Variants in MARCHF1 observed in about 807,000 individuals in gnomAD.
MARCHF1 encodes membrane associated ring-CH-type finger 1, also known as E3 ubiquitin-protein ligase MARCHF1.
A neutral mutation model predicts 54.2 loss-of-function variants in MARCHF1; 40 were observed. That is an observed-to-expected ratio of 0.74 (90% CI 0.57 to 0.96). The LOEUF is 0.96. Ranked by LOEUF, MARCHF1 falls within the 40% of genes least tolerant of loss-of-function variation. The pLI, the probability that MARCHF1 is intolerant of heterozygous loss-of-function variation, is 0.00. For synonymous variants in MARCHF1, 236 were observed against 236.3 expected, an observed-to-expected ratio of 1.00 and a Z score of 0.01; for missense variants, 586 against 656.5, an observed-to-expected ratio of 0.89 and a Z score of 1.17.
chr4:163,857,493 T>C (rs1749801888), intron 3 of MARCHF1, among the ~76,000 whole-genome samples: 1 of 152,026 alleles, frequency 6.6e-6, no homozygotes, highest in African/African-American at 2.4e-5. Flanking sequence ...TATACCAAAA[T>C]AGGAAAGTGG....
At chr4:163,897,025 T>A (rs1374169425) in intron 3 of MARCHF1, among the ~76,000 whole-genome samples, 2 of 152,200 alleles carry the variant, frequency 1.3e-5, no homozygotes, top group Non-Finnish European at 2.9e-5. Flanking sequence ...TACTCGTGAA[T>A]AATTATTTAC....
chr4:164,045,733 C>T (rs1205345871), intron 2 of MARCHF1, among the ~76,000 whole-genome samples: 2 of 147,778 alleles, frequency 1.4e-5, no homozygotes, highest in African/African-American at 4.9e-5. Context: ...AAAAACTAGT[C>T]ATGTAATACA....
chr4:164,232,741 T>A lies in MARCHF1; in HGVS notation c.-322-121079A>T, dbSNP rs138193061. ...ATTGAATTGTGACAGTAAAATAAATTATTCTTTGCTTGGCTGGTTAAAGAG... is the reference window on the plus strand; with the variant it reads ...ATTGAATTGTGACAGTAAAATAAATAATTCTTTGCTTGGCTGGTTAAAGAG... On this transcript the variant is annotated intron_variant, in intron 1 of 9. Coordinates refer to ENST00000514618, the MANE Select transcript of MARCHF1 (RefSeq NM_001394959.1). Among the ~76,000 whole-genome samples, 625 of 152,250 alleles carry A rather than the reference T, an allele frequency of 4.1e-3. 11 individuals carry two copies. Among genetic ancestry groups the A allele is most frequent in the Admixed American group, 0.031 (473 of 15,288 alleles).
intron 3 of MARCHF1, among the ~76,000 whole-genome samples, chr4:163,945,329 T>G (rs192388871): frequency 2.4e-4 from 37 of 152,124 alleles, no homozygotes; most frequent in African/African-American, 8.9e-4. Flanking sequence ...AAGGAGAAAA[T>G]AAGATAATCA....
intron 1 of MARCHF1, among the ~76,000 whole-genome samples, chr4:164,281,272 T>C (rs1305138545): frequency 1.3e-5 from 2 of 152,166 alleles, no homozygotes; most frequent in Non-Finnish European, 2.9e-5. Flanking sequence ...ACATACTGAA[T>C]AACTATCAAA....
intron 5 of MARCHF1, among the ~76,000 whole-genome samples, chr4:163,627,332 G>C (rs776810580): frequency 2.0e-5 from 3 of 152,124 alleles, no homozygotes; most frequent in Non-Finnish European, 4.4e-5. Flanking sequence ...ACTGCTCCTA[G>C]TTTGATCTCC....
chr4:164,374,701 C>G (rs2110968817), intron 1 of MARCHF1, among the ~76,000 whole-genome samples: 1 of 152,216 alleles, frequency 6.6e-6, no homozygotes, highest in South Asian at 2.1e-4. Flanking sequence ...TTGATTCCCC[C>G]ATCTCTTTAA....
intron 3 of MARCHF1, among the ~76,000 whole-genome samples, chr4:163,917,665 G>C (rs1751339703): frequency 6.6e-6 from 1 of 152,030 alleles, no homozygotes. Flanking sequence ...GGATGTGCAG[G>C]TTTGTTACAT....
chr4:163,854,180 T>C lies in MARCHF1; in HGVS notation c.-38-11A>G, dbSNP rs1056540380. 1 of 1,498,376 alleles carries C rather than the reference T, an allele frequency of 6.7e-7. No individual in the cohort carries two copies. Among genetic ancestry groups the C allele is most frequent in the Non-Finnish European group, 8.9e-7 (1 of 1,124,596 alleles). 92.8% of individuals were successfully genotyped at this position (1,498,376 alleles called of 1,614,324 possible). On this transcript the variant is annotated splice_polypyrimidine_tract_variant and intron_variant, in intron 3 of 9. Transcript: ENST00000514618. ...TCAATTTCTGAAATTCTGAAAATAA[T>C]TTACATTCCCTGAAACAGGTCACTT...
intron 1 of MARCHF1, chr4:164,189,524 C>A (rs1731067263): frequency 3.8e-6 from 3 of 786,740 alleles, no homozygotes; most frequent in Non-Finnish European, 6.7e-6. Flanking sequence ...GGCAAGGAGT[C>A]CTCCCATGGC....
At chr4:163,920,555 G>A (rs1560819861) in intron 3 of MARCHF1, among the ~76,000 whole-genome samples, 1 of 152,118 alleles carries the variant, frequency 6.6e-6, no homozygotes, top group Non-Finnish European at 1.5e-5. Context: ...CCTGGAGACA[G>A]ACTGCTGACC....
chr4:164,325,545 C>G (rs1041727432), intron 1 of MARCHF1, among the ~76,000 whole-genome samples: 13 of 151,672 alleles, frequency 8.6e-5, no homozygotes, highest in African/African-American at 3.1e-4. Flanking sequence ...AAAGGTAAAA[C>G]AAAACTTATA....
At chr4:164,373,902 G>A (rs1425183739) in intron 1 of MARCHF1, among the ~76,000 whole-genome samples, 2 of 152,092 alleles carry the variant, frequency 1.3e-5, no homozygotes, top group African/African-American at 4.8e-5. Flanking sequence ...TAAAAATGTA[G>A]ATTACTCATT....
intron 5 of MARCHF1, among the ~76,000 whole-genome samples, chr4:163,646,210 G>A (rs763521664): frequency 2.6e-5 from 4 of 151,748 alleles, no homozygotes; most frequent in Non-Finnish European, 5.9e-5. Context: ...CCAGGAGGGA[G>A]TGAGATGTTA....
chr4:163,978,688 G>A (rs1329385879), intron 3 of MARCHF1, among the ~76,000 whole-genome samples: 1 of 151,886 alleles, frequency 6.6e-6, no homozygotes, highest in Admixed American at 6.6e-5. Context: ...AGTGATTCCT[G>A]GGGATTTTTT....
chr4:163,857,927 C>T (rs957272653), intron 3 of MARCHF1, among the ~76,000 whole-genome samples: 3 of 152,018 alleles, frequency 2.0e-5, no homozygotes, highest in Admixed American at 6.6e-5. Context: ...GTATACTGAG[C>T]ACTATGAAAA....
At chr4:163,938,974 T>C (rs1032152142) in intron 3 of MARCHF1, among the ~76,000 whole-genome samples, 1 of 152,136 alleles carries the variant, frequency 6.6e-6, no homozygotes, top group African/African-American at 2.4e-5. Context: ...GATGAGATTT[T>C]GGGTGGGACA....
At chr4:164,223,686 T>C (rs928716867) in intron 1 of MARCHF1, among the ~76,000 whole-genome samples, 2 of 151,900 alleles carry the variant, frequency 1.3e-5, no homozygotes, top group African/African-American at 4.8e-5. Flanking sequence ...CCCATCAAAC[T>C]GAATTCAAAT....
At chr4:164,188,034 A>T (rs1265631432) in intron 1 of MARCHF1, among the ~76,000 whole-genome samples, 1 of 152,176 alleles carries the variant, frequency 6.6e-6, no homozygotes, top group Non-Finnish European at 1.5e-5. Context: ...ATAATTTTCC[A>T]TTAAGGGCCA....
Sources: gnomAD v4.1 joint callset for allele counts (sites outside exome capture counted in the v4.1 genomes callset) on GRCh38, gnomAD v4.1.1 for gene constraint, MANE v1.5 for transcripts, NCBI Gene and HGNC (gene_info 2026-07-23, HGNC 2026-07-21) for gene names.